Variants in RARB observed in about 807,000 individuals in gnomAD.
RARB encodes the protein retinoic acid receptor beta, also known as HBV-activated protein.
A neutral mutation model predicts 51.9 loss-of-function variants in RARB; 17 were observed. That is an observed-to-expected ratio of 0.33 (90% CI 0.22 to 0.49). RARB has a LOEUF of 0.49. Among genes scored for constraint, RARB ranks in the 20% least tolerant of loss-of-function variants. RARB has a pLI of 0.99. For missense variants in RARB, 369 were observed against 550.8 expected (o/e 0.67, Z 3.30); for synonymous variants, 215 against 195.4 (o/e 1.10, Z -0.84).
intron 5 of RARB, among the ~76,000 whole-genome samples, chr3:25,229,335 G>T (rs1702124735): frequency 6.6e-6 from 1 of 151,818 alleles, no homozygotes; most frequent in Non-Finnish European, 1.5e-5. Flanking sequence ...TTTACCATAT[G>T]AATTTCTTTC....
chr3:25,018,152 G>C (rs1697555602), intron 2 of RARB, among the ~76,000 whole-genome samples: 1 of 152,158 alleles, frequency 6.6e-6, no homozygotes, highest in Admixed American at 6.6e-5. Flanking sequence ...TATAAGGCCT[G>C]TTTTTCAGAG....
Position 25,597,531 on chromosome 3 carries a change from C to T in RARB, c.*915C>T, listed in dbSNP as rs1437398513. The T allele has an allele frequency of 6.6e-6, 1 of 152,646 alleles. No homozygotes were observed. The highest frequency in any genetic ancestry group is 1.5e-5 in the Non-Finnish European group (1 of 68,042). 9.5% of individuals were successfully genotyped at this position (152,646 alleles called of 1,614,324 possible). On this transcript the variant is annotated 3_prime_UTR_variant, in exon 8 of 8. Coordinates refer to ENST00000330688, the MANE Select transcript of RARB (RefSeq NM_000965.5). Reference sequence around the variant, plus strand: ...GAAATTTCATGGGATAATTAGCAGGCTGGTCTACCACCTGGACCATGTAAC... The same window carrying T: ...GAAATTTCATGGGATAATTAGCAGGTTGGTCTACCACCTGGACCATGTAAC...
chr3:25,206,107 C>G (rs952866322), intron 5 of RARB, among the ~76,000 whole-genome samples: 5 of 152,128 alleles, frequency 3.3e-5, no homozygotes, highest in African/African-American at 7.2e-5. Flanking sequence ...GGAACATAAC[C>G]TCATCATAAG....
chr3:25,037,850 C>G (rs1698030063), intron 2 of RARB, among the ~76,000 whole-genome samples: 1 of 152,032 alleles, frequency 6.6e-6, no homozygotes, highest in African/African-American at 2.4e-5. Context: ...CTTGAAGGAT[C>G]TGCAAAGACT....
At chr3:25,536,072 C>T (rs1699128580) in intron 3 of RARB, among the ~76,000 whole-genome samples, 1 of 152,186 alleles carries the variant, frequency 6.6e-6, no homozygotes. Flanking sequence ...CATCCACTCT[C>T]ACCTACCCAC....
At chr3:25,195,374 T>C (rs1355823352) in intron 5 of RARB, among the ~76,000 whole-genome samples, 3 of 152,022 alleles carry the variant, frequency 2.0e-5, no homozygotes, top group East Asian at 1.9e-4. Context: ...AGAGAATAGA[T>C]ATTTGATGAC....
intron 5 of RARB, among the ~76,000 whole-genome samples, chr3:25,218,379 C>CTT (rs1273867946): frequency 2.6e-5 from 4 of 152,138 alleles, no homozygotes; most frequent in Non-Finnish European, 5.9e-5. Context: ...AACAAGGCCC[C>CTT]TTTAAATACC....
chr3:25,580,788 G>A, intron 5 of RARB, 66 bp downstream of exon 5: 1 of 1,466,184 alleles, frequency 6.8e-7, no homozygotes, highest in East Asian at 2.3e-5. Flanking sequence ...AGGGGAGGGA[G>A]GGGACCAAGA....
intron 3 of RARB, among the ~76,000 whole-genome samples, chr3:25,550,054 T>G (rs1699784459): frequency 6.6e-6 from 1 of 152,164 alleles, no homozygotes; most frequent in African/African-American, 2.4e-5. Context: ...TGCCTGATAC[T>G]TGGAAACATT....
At chr3:24,914,571 C>T (rs1351438813) in intron 2 of RARB, among the ~76,000 whole-genome samples, 2 of 152,110 alleles carry the variant, frequency 1.3e-5, no homozygotes. Flanking sequence ...ATACTCGTGT[C>T]CCTGATAGAA....
At chr3:25,251,050 G>C (rs1431611603) in intron 5 of RARB, among the ~76,000 whole-genome samples, 1 of 152,054 alleles carries the variant, frequency 6.6e-6, no homozygotes, top group Admixed American at 6.6e-5. Context: ...TTCTCTGTTA[G>C]GTGTTCCATT....
intron 2 of RARB, among the ~76,000 whole-genome samples, chr3:25,031,692 G>T (rs769945417): frequency 6.6e-6 from 1 of 152,192 alleles, no homozygotes; most frequent in Non-Finnish European, 1.5e-5. Flanking sequence ...GAAGGGAACT[G>T]TCTATGGAGT....
At chr3:25,030,579 G>C (rs1398181946) in intron 2 of RARB, among the ~76,000 whole-genome samples, 1 of 152,164 alleles carries the variant, frequency 6.6e-6, no homozygotes, top group Non-Finnish European at 1.5e-5. Flanking sequence ...GCTTCTTCCT[G>C]GCAATTCTTT....
intron 3 of RARB, among the ~76,000 whole-genome samples, chr3:25,553,993 G>A (rs1340778213): frequency 6.6e-6 from 1 of 151,888 alleles, no homozygotes; most frequent in South Asian, 2.1e-4. Context: ...TGTCACCTGT[G>A]TTTGCCACAC....
intron 2 of RARB, among the ~76,000 whole-genome samples, chr3:25,466,687 C>G (rs1328961805): frequency 6.6e-6 from 1 of 152,146 alleles, no homozygotes; most frequent in South Asian, 2.1e-4. Flanking sequence ...CCCTGGATTA[C>G]CCTAGTACAG....
At chr3:24,889,221 A>G (rs1703325010) in intron 2 of RARB, among the ~76,000 whole-genome samples, 1 of 152,130 alleles carries the variant, frequency 6.6e-6, no homozygotes, top group African/African-American at 2.4e-5. Flanking sequence ...TGCTATCATC[A>G]CAAACCATAA....
At chr3:25,546,141 G>T (rs1699607625) in intron 3 of RARB, among the ~76,000 whole-genome samples, 2 of 152,038 alleles carry the variant, frequency 1.3e-5, no homozygotes, top group African/African-American at 4.8e-5. Context: ...CATCGAGAAG[G>T]CCATTGTGTC....
intron 5 of RARB, among the ~76,000 whole-genome samples, chr3:25,394,343 A>G (rs1204740151): frequency 6.6e-6 from 1 of 152,044 alleles, no homozygotes; most frequent in East Asian, 1.9e-4. Context: ...GAGAATGTTC[A>G]ATGTGCTGAT....
intron 2 of RARB, among the ~76,000 whole-genome samples, chr3:24,991,443 C>CAA (rs371185277): frequency 5.0e-4 from 69 of 138,790 alleles, no homozygotes; most frequent in African/African-American, 1.5e-3. Context: ...AACTCTGTCT[C>CAA]AAAAAAAAAA....
Sources: allele counts gnomAD v4.1 joint callset (sites outside exome capture counted in the v4.1 genomes callset), GRCh38; gene constraint gnomAD v4.1.1; transcripts MANE v1.5; gene names NCBI Gene and HGNC (gene_info 2026-07-23, HGNC 2026-07-21).